PRR16: variants seen among roughly 807,000 people sequenced by gnomAD.
PRR16 encodes the protein protein Largen.
PRR16 carries 6 observed loss-of-function variants against 18.2 expected under a neutral mutation model. The observed-to-expected ratio is 0.33, with a 90% CI of 0.18 to 0.65. The LOEUF is 0.65. Ranked by LOEUF, PRR16 falls within the 30% of genes least tolerant of loss-of-function variation. The pLI is 0.74. For synonymous variants in PRR16, 151 were observed against 147.8 expected, an observed-to-expected ratio of 1.02 and a Z score of -0.16; for missense variants, 412 against 376.6, an observed-to-expected ratio of 1.09 and a Z score of -0.78.
intron 1 of PRR16, among the ~76,000 whole-genome samples, chr5:120,498,644 T>C (rs889516847): frequency 6.6e-6 from 1 of 151,776 alleles, no homozygotes; most frequent in Non-Finnish European, 1.5e-5. Context: ...CTGTTTTTTT[T>C]TTCTTTCCTT....
At chr5:120,505,510 A>G (rs1750610733) in intron 1 of PRR16, among the ~76,000 whole-genome samples, 1 of 152,166 alleles carries the variant, frequency 6.6e-6, no homozygotes, top group Non-Finnish European at 1.5e-5. Context: ...AAATTCCAGA[A>G]CTTGTTTCTC....
chr5:120,512,208 A>G (rs1382614103), intron 1 of PRR16, among the ~76,000 whole-genome samples: 1 of 102,422 alleles, frequency 9.8e-6, no homozygotes, highest in Admixed American at 8.8e-5. Flanking sequence ...ATAGCATTCA[A>G]GAGACACATC....
intron 1 of PRR16, among the ~76,000 whole-genome samples, chr5:120,501,704 A>G (rs1005307415): frequency 6.6e-6 from 1 of 152,026 alleles, no homozygotes; most frequent in African/African-American, 2.4e-5. Flanking sequence ...TGGCCAGTAT[A>G]TCAGCACTTT....
At chr5:120,629,092 ACTCAATGTTTAG>A in intron 1 of PRR16, among the ~76,000 whole-genome samples, 1 of 151,860 alleles carries the variant, frequency 6.6e-6, no homozygotes, top group Non-Finnish European at 1.5e-5. Flanking sequence ...GTCCATATGT[ACTCAATGTTTAG>A]CTCCCACTTA....
the PRR16 span, among the ~76,000 whole-genome samples, chr5:120,750,649 AGAGT>A: frequency 2.6e-5 from 4 of 151,556 alleles, no homozygotes; most frequent in African/African-American, 9.7e-5. Context: ...CCTGAGTGAC[AGAGT>A]GAGACTCCAT....
chr5:120,508,757 T>C (rs1297920412), intron 1 of PRR16, among the ~76,000 whole-genome samples: 1 of 152,150 alleles, frequency 6.6e-6, no homozygotes, highest in African/African-American at 2.4e-5. Flanking sequence ...AGGGATCATC[T>C]TAGGTTTTAA....
chr5:120,618,681 T>A (rs946488741), intron 1 of PRR16: 1 of 448,496 alleles, frequency 2.2e-6, no homozygotes, highest in Non-Finnish European at 2.9e-6. Context: ...TTTAAAAGTC[T>A]GCCTGTGTCT....
intron 1 of PRR16, chr5:120,618,696 T>C (rs576163236): frequency 5.9e-6 from 2 of 338,678 alleles, no homozygotes; most frequent in African/African-American, 4.5e-5. Flanking sequence ...GTGTCTGTTA[T>C]TGCTAAGAGA....
At chr5:120,718,412 C>A in the PRR16 span, among the ~76,000 whole-genome samples, 3 of 152,050 alleles carry the variant, frequency 2.0e-5, no homozygotes, top group Non-Finnish European at 4.4e-5. Flanking sequence ...TCTTTTTAAT[C>A]TTTATTTCAA....
chr5:120,791,289 G>T, the PRR16 span, among the ~76,000 whole-genome samples: 1 of 151,940 alleles, frequency 6.6e-6, no homozygotes, highest in South Asian at 2.1e-4. Flanking sequence ...AAGTATTTTT[G>T]TAGTATAAAA....
the PRR16 span, among the ~76,000 whole-genome samples, chr5:120,746,213 T>C: frequency 6.6e-6 from 1 of 152,082 alleles, no homozygotes; most frequent in African/African-American, 2.4e-5. Flanking sequence ...TGCTGAATGT[T>C]ATCTCCGTGG....
chr5:120,551,517 G>A (rs1358494318), intron 1 of PRR16, among the ~76,000 whole-genome samples: 2 of 151,776 alleles, frequency 1.3e-5, no homozygotes, highest in Non-Finnish European at 2.9e-5. Flanking sequence ...ATAGGGCCTG[G>A]CATATAATCA....
At chr5:120,581,383 T>C (rs528926143) in intron 1 of PRR16, among the ~76,000 whole-genome samples, 21 of 152,330 alleles carry the variant, frequency 1.4e-4, no homozygotes, top group Non-Finnish European at 2.4e-4. Context: ...TATCATTTTG[T>C]ATTGTGCCTA....
intron 1 of PRR16, among the ~76,000 whole-genome samples, chr5:120,465,422 T>C (rs971984217): frequency 6.6e-6 from 1 of 152,368 alleles, no homozygotes; most frequent in Admixed American, 6.5e-5. Context: ...ATTGGCGTCC[T>C]GGCTCTCTGC....
intron 1 of PRR16, among the ~76,000 whole-genome samples, chr5:120,652,234 G>GT (rs199940712): frequency 0.059 from 9,031 of 151,976 alleles, 316 homozygotes; most frequent in South Asian, 0.084. Context: ...TGGTGTCTAT[G>GT]TTTTTTTTGT....
At chr5:120,682,987 C>T (rs1450574098) in intron 1 of PRR16, among the ~76,000 whole-genome samples, 14 of 152,052 alleles carry the variant, frequency 9.2e-5, no homozygotes, top group African/African-American at 3.4e-4. Context: ...TCAGAGTTAA[C>T]CTGACTAAGA....
intron 1 of PRR16, among the ~76,000 whole-genome samples, chr5:120,629,395 T>C (rs75243021): frequency 0.058 from 8,820 of 152,160 alleles, 312 homozygotes; most frequent in South Asian, 0.084. Context: ...CTGCAAGTGA[T>C]TTCTGAGCAT....
intron 1 of PRR16, among the ~76,000 whole-genome samples, chr5:120,556,163 G>T (rs1752402882): frequency 6.7e-6 from 1 of 148,738 alleles, no homozygotes; most frequent in African/African-American, 2.5e-5. Flanking sequence ...AGAAACTTCA[G>T]TAAACAACTC....
chr5:120,772,861 G>C, the PRR16 span, among the ~76,000 whole-genome samples: 1 of 151,940 alleles, frequency 6.6e-6, no homozygotes, highest in African/African-American at 2.4e-5. Context: ...GCCATATACA[G>C]TTTTCACATG....
Sources: allele counts gnomAD v4.1 joint callset (sites outside exome capture counted in the v4.1 genomes callset), GRCh38; gene constraint gnomAD v4.1.1; transcripts MANE v1.5; gene names NCBI Gene and HGNC (gene_info 2026-07-23, HGNC 2026-07-21).